The following APLF variants were observed in gnomAD, a reference collection of about 807,000 sequenced individuals.
APLF encodes aprataxin and PNK-like factor.
APLF carries 61 observed loss-of-function variants against 55.6 expected under a neutral mutation model. The ratio of observed to expected loss-of-function variants is 1.10; its 90% CI spans 0.89 to 1.36. The LOEUF (loss-of-function observed/expected upper bound fraction) is 1.36. Ranked by LOEUF, APLF falls within the 40% of genes most tolerant of loss-of-function variation. APLF has a pLI of 0.00. For missense variants in APLF, 611 were observed against 602.5 expected, an observed-to-expected ratio of 1.01 and a Z score of -0.15; for synonymous variants, 207 against 214.8, an observed-to-expected ratio of 0.96 and a Z score of 0.32.
At chr2:68,507,693 T>C (rs1321604969) in intron 3 of APLF, among the ~76,000 whole-genome samples, 1 of 151,950 alleles carries the variant, frequency 6.6e-6, no homozygotes, top group African/African-American at 2.4e-5. Context: ...TAAGTGTTGG[T>C]TTTTTGAATG....
chr2:68,547,910 A>G (rs1317268423), intron 8 of APLF, among the ~76,000 whole-genome samples: 1 of 151,838 alleles, frequency 6.6e-6, no homozygotes, highest in African/African-American at 2.4e-5. Context: ...TAAATCTCCA[A>G]TATCTAACAG....
chr2:68,548,319 A>G (rs1028105071), intron 8 of APLF, among the ~76,000 whole-genome samples: 1 of 151,976 alleles, frequency 6.6e-6, no homozygotes, highest in Non-Finnish European at 1.5e-5. Context: ...CAAAGCACAC[A>G]GTAAGAAAAA....
chr2:68,513,311 T>C, intron 4 of APLF, 84 bp downstream of exon 4: 1 of 1,431,898 alleles, frequency 7.0e-7, no homozygotes, highest in South Asian at 1.4e-5. Flanking sequence ...ATTAGGCCTA[T>C]TATGACAATA....
chr2:68,560,941 A>T (rs1253505892), intron 8 of APLF, among the ~76,000 whole-genome samples: 1 of 152,136 alleles, frequency 6.6e-6, no homozygotes, highest in East Asian at 1.9e-4. Flanking sequence ...CCTTGTTATG[A>T]AATAACTGAC....
intron 8 of APLF, among the ~76,000 whole-genome samples, chr2:68,550,393 G>A (rs1401291844): frequency 1.3e-5 from 2 of 151,618 alleles, no homozygotes; most frequent in East Asian, 3.9e-4. Flanking sequence ...CACCACGCCC[G>A]GCTAATTTTT....
intron 2 of APLF, among the ~76,000 whole-genome samples, chr2:68,494,745 C>A (rs1406574545): frequency 6.6e-6 from 1 of 152,126 alleles, no homozygotes; most frequent in Non-Finnish European, 1.5e-5. Flanking sequence ...TAAGTGAGAA[C>A]ATGCAGTGTT....
intron 1 of APLF, among the ~76,000 whole-genome samples, chr2:68,471,063 C>G (rs534581180): frequency 6.6e-6 from 1 of 152,090 alleles, no homozygotes. Context: ...TAGATTTGCC[C>G]TTCCCTCATT....
chr2:68,490,199 AAG>A lies in APLF; in HGVS notation c.111_112del (p.Arg37SerfsTer9). 1 of 1,609,370 alleles carries A rather than the reference AAG, an allele frequency of 6.2e-7. No homozygotes were observed. Among genetic ancestry groups the A allele is most frequent in the Non-Finnish European group, 8.5e-7 (1 of 1,178,622 alleles). ...GRGPLLGITD[K>X]RVSRRHAILE... is the part of the protein sequence containing the mutation. ...TTTTTTTACTGTATAGATAACAGAC[AAG>A]AGAGTATCCAGAAGACATGCCATTC... On this transcript the variant is annotated frameshift_variant, in exon 2 of 10. Coordinates refer to ENST00000303795, the MANE Select transcript of APLF (RefSeq NM_173545.3). LOFTEE classifies it high-confidence loss of function.
intron 8 of APLF, among the ~76,000 whole-genome samples, chr2:68,565,484 T>G (rs1192073567): frequency 6.6e-6 from 1 of 150,804 alleles, no homozygotes; most frequent in Non-Finnish European, 1.5e-5. Flanking sequence ...GATGGATGGA[T>G]GGATAGTTAG....
chr2:68,554,972 G>A (rs1670964161), intron 8 of APLF, among the ~76,000 whole-genome samples: 1 of 151,966 alleles, frequency 6.6e-6, no homozygotes, highest in Non-Finnish European at 1.5e-5. Context: ...ATAGACCAAT[G>A]GAACAGAATA....
At chr2:68,494,309 A>G (rs143670097) in intron 2 of APLF, among the ~76,000 whole-genome samples, 1,574 of 151,098 alleles carry the variant, frequency 0.01, 39 homozygotes, top group African/African-American at 0.036. Context: ...AAAAGAAAAG[A>G]AAAAAGATTT....
intron 7 of APLF, among the ~76,000 whole-genome samples, chr2:68,540,381 G>A (rs1670514043): frequency 6.6e-6 from 1 of 152,160 alleles, no homozygotes; most frequent in Non-Finnish European, 1.5e-5. Context: ...TGGTGTATAT[G>A]TGCCACATTT....
chr2:68,568,600 A>T (rs1232551152), intron 9 of APLF, among the ~76,000 whole-genome samples: 4 of 152,136 alleles, frequency 2.6e-5, no homozygotes, highest in Non-Finnish European at 4.4e-5. Flanking sequence ...TTAAAAGTAT[A>T]TATTGTTGAC....
At chr2:68,523,439 G>C (rs1440620882) in intron 5 of APLF, among the ~76,000 whole-genome samples, 2 of 151,838 alleles carry the variant, frequency 1.3e-5, no homozygotes, top group East Asian at 3.9e-4. Flanking sequence ...GCAATCCTAG[G>C]TATTTAAACC....
intron 5 of APLF, among the ~76,000 whole-genome samples, chr2:68,524,447 GTT>G (rs1039233071): frequency 6.6e-6 from 1 of 152,128 alleles, no homozygotes; most frequent in African/African-American, 2.4e-5. Flanking sequence ...CCACTGCCTG[GTT>G]TTGTAAAGAA....
intron 2 of APLF, among the ~76,000 whole-genome samples, chr2:68,500,767 A>AG (rs1558533299): frequency 6.6e-6 from 1 of 152,198 alleles, no homozygotes; most frequent in Non-Finnish European, 1.5e-5. Flanking sequence ...TGACATACTC[A>AG]AGGAAAGGGA....
Position 68,537,866 on chromosome 2 carries a change from T to G in APLF, c.805-6T>G, listed in dbSNP as rs189622902. 3.3e-6 allele frequency: 5 copies of G among 1,537,448 alleles called. No individual in the cohort carries two copies. The East Asian group carries it at 1.1e-4, about 35-fold the overall frequency. ...ATTTCTGATGTTTTTCATATTTGTT[T>G]TACAGGAAATGCCACAATCATTTTC... On this transcript the variant is annotated splice_region_variant and splice_polypyrimidine_tract_variant and intron_variant, in intron 6 of 9. Transcript: ENST00000303795.
intron 8 of APLF, among the ~76,000 whole-genome samples, chr2:68,548,280 A>G (rs187811632): frequency 1.4e-4 from 21 of 152,096 alleles, no homozygotes; most frequent in African/African-American, 5.1e-4. Flanking sequence ...TTTTTAATCC[A>G]TCAGTACACA....
chr2:68,489,240 T>C (rs1356097184), intron 1 of APLF, among the ~76,000 whole-genome samples: 1 of 152,234 alleles, frequency 6.6e-6, no homozygotes. Context: ...GTGGAACTAA[T>C]AGGTTTAATT....
Sources: gnomAD v4.1 joint callset for allele counts (sites outside exome capture counted in the v4.1 genomes callset) on GRCh38, gnomAD v4.1.1 for gene constraint, MANE v1.5 for transcripts, NCBI Gene and HGNC (gene_info 2026-07-23, HGNC 2026-07-21) for gene names.